LRP1B: variants seen among roughly 807,000 people sequenced by gnomAD.
LRP1B encodes the protein low-density lipoprotein receptor-related protein 1B.
LRP1B carries 217 observed loss-of-function variants against 556.6 expected under a neutral mutation model. The observed-to-expected ratio is 0.39, with a 90% CI of 0.35 to 0.44. The LOEUF is 0.44. Ranked by LOEUF, LRP1B falls within the 20% of genes least tolerant of loss-of-function variation. LRP1B has a pLI of 1.00. For missense variants in LRP1B, 5,053 were observed against 5,620.8 expected (o/e 0.90, Z 3.23); for synonymous variants, 2,047 against 1,865.8 (o/e 1.10, Z -2.50).
At chr2:141,145,814 T>C (rs1192024183) in intron 7 of LRP1B, among the ~76,000 whole-genome samples, 1 of 152,010 alleles carries the variant, frequency 6.6e-6, no homozygotes, top group Non-Finnish European at 1.5e-5. Flanking sequence ...ACTACAGGCA[T>C]GAGCCACTGC....
At chr2:141,900,480 C>T (rs1699586525) in intron 1 of LRP1B, among the ~76,000 whole-genome samples, 1 of 151,862 alleles carries the variant, frequency 6.6e-6, no homozygotes, top group Non-Finnish European at 1.5e-5. Flanking sequence ...AATAATATTC[C>T]ACATTCTTAC....
At chr2:140,896,883 A>C (rs568047361) in intron 23 of LRP1B, among the ~76,000 whole-genome samples, 1 of 152,330 alleles carries the variant, frequency 6.6e-6, no homozygotes, top group African/African-American at 2.4e-5. Context: ...GAGAATCAAC[A>C]GAAGATGATG....
intron 86 of LRP1B, among the ~76,000 whole-genome samples, chr2:140,255,832 A>G (rs1475087556): frequency 4.6e-5 from 7 of 152,244 alleles, no homozygotes; most frequent in Admixed American, 2.6e-4. Context: ...ACTGAAAGGA[A>G]CATTAATCCA....
intron 7 of LRP1B, among the ~76,000 whole-genome samples, chr2:141,187,715 G>T (rs918678670): frequency 6.6e-6 from 1 of 151,754 alleles, no homozygotes; most frequent in Non-Finnish European, 1.5e-5. Context: ...AAGATGATGG[G>T]AATTTAAACA....
rs752506977 is a variant in LRP1B, at chr2:140,314,926, A to T, written c.12805+9T>A. The T allele has an allele frequency of 1.5e-5, 24 of 1,559,302 alleles. No individual in the cohort carries two copies. In the East Asian group the frequency reaches 2.5e-4, roughly 16 times the overall value. On this transcript the variant is annotated intron_variant, in intron 83 of 90. Coordinates refer to ENST00000389484, the MANE Select transcript of LRP1B (RefSeq NM_018557.3). ...AAGATGTGAAATACAATGACAATGA[A>T]ATATTTACCTAGAACTGATGGTACG...
At chr2:141,438,043 G>A (rs146957814) in intron 3 of LRP1B, among the ~76,000 whole-genome samples, 1 of 152,214 alleles carries the variant, frequency 6.6e-6, no homozygotes, top group Non-Finnish European at 1.5e-5. Context: ...ATTTGGAAGT[G>A]AGGCATCTAA....
At chr2:141,087,900 C>A (rs12465496) in intron 7 of LRP1B, among the ~76,000 whole-genome samples, 4,135 of 123,228 alleles carry the variant, frequency 0.034, 67 homozygotes, top group Non-Finnish European at 0.044. Context: ...TTGTCTCAAG[C>A]TTTTTATAAG....
intron 3 of LRP1B, among the ~76,000 whole-genome samples, chr2:141,433,506 T>C (rs7599907): frequency 0.48 from 72,957 of 151,858 alleles, 17,757 homozygotes; most frequent in East Asian, 0.69. Flanking sequence ...CTAACTTTTA[T>C]TGTTTGATTG....
In LRP1B at chr2:140,366,772, G is replaced by C. The variant is rs7578816; in HGVS notation, c.11009-1989C>G. Among the ~76,000 whole-genome samples the C allele has an allele frequency of 2.4e-3, 368 of 151,764 alleles. 2 individuals carry two copies. Among genetic ancestry groups the C allele is most frequent in the African/African-American group, 8.0e-3 (332 of 41,478 alleles). On this transcript the variant is annotated intron_variant, in intron 71 of 90. Coordinates refer to ENST00000389484, the MANE Select transcript of LRP1B (RefSeq NM_018557.3). ...GGCTATTGAATGAGAAGAAGAAGGA[G>C]GTGAATGCCAACGTATCTTTCCAGA...
chr2:141,872,626 T>C (rs1273018751), intron 1 of LRP1B, among the ~76,000 whole-genome samples: 1 of 151,902 alleles, frequency 6.6e-6, no homozygotes, highest in African/African-American at 2.4e-5. Context: ...AGTAGTTTAC[T>C]ATGTAACATG....
At chr2:141,782,409 T>C (rs1308559541) in intron 2 of LRP1B, among the ~76,000 whole-genome samples, 1 of 152,032 alleles carries the variant, frequency 6.6e-6, no homozygotes, top group African/African-American at 2.4e-5. Flanking sequence ...CATTGTCTTC[T>C]ACTCATTTAA....
intron 20 of LRP1B, 122 bp downstream of exon 20, chr2:140,950,113 C>A: frequency 1.5e-6 from 1 of 663,832 alleles, no homozygotes; most frequent in Non-Finnish European, 2.4e-6. Context: ...TACACAGTTC[C>A]ACATGTATAT....
chr2:141,123,642 AATAAC>A (rs1434232577), intron 7 of LRP1B, among the ~76,000 whole-genome samples: 1 of 152,128 alleles, frequency 6.6e-6, no homozygotes, highest in African/African-American at 2.4e-5. Context: ...CATCTGCCTA[AATAAC>A]ATAACTTAAA....
At chr2:140,824,592 C>T (rs1691441369) in intron 31 of LRP1B, among the ~76,000 whole-genome samples, 1 of 151,990 alleles carries the variant, frequency 6.6e-6, no homozygotes, top group Admixed American at 6.6e-5. Flanking sequence ...ACTTTTTCTT[C>T]CTAGCTAGTC....
At chr2:141,604,839 C>T (rs1190101843) in intron 2 of LRP1B, among the ~76,000 whole-genome samples, 2 of 152,062 alleles carry the variant, frequency 1.3e-5, no homozygotes, top group East Asian at 3.9e-4. Flanking sequence ...CTTCCCCATC[C>T]TCCTCAGCCT....
intron 3 of LRP1B, among the ~76,000 whole-genome samples, chr2:141,405,635 C>T (rs2104932808): frequency 6.6e-6 from 1 of 152,038 alleles, no homozygotes; most frequent in East Asian, 1.9e-4. Context: ...AACAGAGATA[C>T]TTATTTTAAA....
chr2:141,849,459 A>G (rs1697770044), intron 1 of LRP1B, among the ~76,000 whole-genome samples: 1 of 151,732 alleles, frequency 6.6e-6, no homozygotes, highest in Non-Finnish European at 1.5e-5. Flanking sequence ...ATGCCCAAAT[A>G]TCTAAAGTTT....
At chr2:141,182,570 T>TA (rs1359118104) in intron 7 of LRP1B, among the ~76,000 whole-genome samples, 2 of 151,922 alleles carry the variant, frequency 1.3e-5, no homozygotes, top group Non-Finnish European at 2.9e-5. Flanking sequence ...AAGTCCCAGA[T>TA]ACCTGGGAGA....
intron 1 of LRP1B, among the ~76,000 whole-genome samples, chr2:141,891,966 T>C (rs1699307068): frequency 4.6e-5 from 7 of 152,038 alleles, no homozygotes. Flanking sequence ...TCTTAAGAAA[T>C]AAAACAACAT....
Sources: gnomAD v4.1 joint callset for allele counts (sites outside exome capture counted in the v4.1 genomes callset) on GRCh38, gnomAD v4.1.1 for gene constraint, MANE v1.5 for transcripts, NCBI Gene and HGNC (gene_info 2026-07-23, HGNC 2026-07-21) for gene names.